Variants in SYNE2 observed in about 807,000 individuals in gnomAD.
The protein encoded by SYNE2 is nesprin-2.
In SYNE2, 431 loss-of-function variants were observed where a neutral mutation model predicts 856.3. The ratio of observed to expected loss-of-function variants is 0.50; its 90% confidence interval spans 0.47 to 0.55. The LOEUF is 0.55. Among genes scored for constraint, SYNE2 ranks in the 20% least tolerant of loss-of-function variants. The pLI, the probability that SYNE2 is intolerant of heterozygous loss-of-function variation, is 0.00. For missense variants in SYNE2, 8,129 were observed against 8,023.2 expected, an observed-to-expected ratio of 1.01 and a Z score of -0.50; for synonymous variants, 2,923 against 2,872.3, an observed-to-expected ratio of 1.02 and a Z score of -0.56.
rs772307834 is a variant in SYNE2 at position 64,053,438 on chromosome 14, A to G, written c.9525A>G (p.Pro3175=). The change falls in exon 48 of 116, where the codon CCA becomes CCG. Residue 3175 remains proline (P), a synonymous_variant. Transcript: ENST00000555002. ...AGATAAAATCTCAATTACAGCAGCC[A>G]TTACTTATAAATTTGGAAATTAAAC... ...LNQIKSQLQQ[P]LLINLEIKHI... 3 of 1,613,562 alleles carry G rather than the reference A, an allele frequency of 1.9e-6. No individual in the cohort carries two copies. Among genetic ancestry groups the G allele is most frequent in the South Asian group, 1.1e-5 (1 of 90,720 alleles).
At chr14:64,166,974 G>T (rs555374802) in intron 90 of SYNE2, 2 of 530,168 alleles carry the variant, frequency 3.8e-6, no homozygotes, top group South Asian at 2.1e-5. Flanking sequence ...GTATTCTTCG[G>T]TGACAAAATC....
At chr14:64,146,047 G>T in intron 83 of SYNE2, 21 bp from the exon 84 acceptor site, 2 of 1,491,902 alleles carry the variant, frequency 1.3e-6, no homozygotes, top group Admixed American at 2.1e-5. Context: ...AACATTTTTT[G>T]TAATCTTTAC....
intron 53 of SYNE2, among the ~76,000 whole-genome samples, chr14:64,075,088 T>C (rs2097447432): frequency 1.3e-5 from 2 of 152,180 alleles, no homozygotes; most frequent in Admixed American, 1.3e-4. Context: ...CTCTCTAGAT[T>C]TGTCCTCTGC....
chr14:63,791,031 C>G (rs1887712503), intron 1 of SYNE2, among the ~76,000 whole-genome samples: 1 of 151,922 alleles, frequency 6.6e-6, no homozygotes, highest in Admixed American at 6.6e-5. Flanking sequence ...TATCTGGGCT[C>G]ACTGCAAACT....
chr14:64,034,629 C>A (rs1334847780), intron 45 of SYNE2: 1 of 483,610 alleles, frequency 2.1e-6, no homozygotes, highest in African/African-American at 2.0e-5. Flanking sequence ...TTGACCTTTT[C>A]TTTAATATTG....
intron 48 of SYNE2, among the ~76,000 whole-genome samples, 163 bp downstream of exon 48, chr14:64,053,820 T>C (rs2097247337): frequency 6.6e-6 from 1 of 151,792 alleles, no homozygotes; most frequent in Non-Finnish European, 1.5e-5. Flanking sequence ...AAAAAAAAAA[T>C]TAGCTGGGTA....
chr14:64,006,333 A>G (rs2096795388), intron 30 of SYNE2, among the ~76,000 whole-genome samples: 1 of 150,064 alleles, frequency 6.7e-6, no homozygotes, highest in Non-Finnish European at 1.5e-5. Context: ...CCTCCTTAGG[A>G]TCCTGCAGTT....
chr14:63,940,492 G>T lies in SYNE2; in HGVS notation c.80-122G>T, dbSNP rs2095898344. The T allele has an allele frequency of 2.3e-6, 2 of 875,134 alleles. 1 individual carries two copies. The highest frequency in any genetic ancestry group is 2.8e-5 in the South Asian group (2 of 70,634). The allele number at this position is 875,134 out of a possible 1,614,324, so 54.2% of individuals were successfully genotyped here. ...CATCTACAGTTTAGACTAAATCCTG[G>T]AAAGTTTGTAAGCTTGTGAAACAGG... is the stretch of plus-strand genomic sequence containing the variant. On this transcript the variant is annotated intron_variant, in intron 2 of 115. Coordinates refer to ENST00000555002, the MANE Select transcript of SYNE2 (RefSeq NM_182914.3).
chr14:63,905,040 A>G (rs922798474), intron 1 of SYNE2, among the ~76,000 whole-genome samples: 6 of 152,154 alleles, frequency 3.9e-5, no homozygotes, highest in Non-Finnish European at 7.4e-5. Context: ...CTATACAGTT[A>G]TCCCAGCATC....
chr14:64,080,416 G>T (rs760241727), intron 55 of SYNE2, 40 bp from the exon 56 acceptor site: 2 of 1,604,048 alleles, frequency 1.2e-6, no homozygotes, highest in South Asian at 2.2e-5. Flanking sequence ...CATAAACTAT[G>T]ACCTCTTCAT....
chr14:64,138,946 G>GGTGT (rs150016027), intron 79 of SYNE2, among the ~76,000 whole-genome samples: 2,862 of 137,718 alleles, frequency 0.021, 61 homozygotes, highest in African/African-American at 0.055. Context: ...GTGTATGTAT[G>GGTGT]GTGTGTGTGT....
At chr14:64,105,327 T>G (rs1332823838) in intron 64 of SYNE2, among the ~76,000 whole-genome samples, 1 of 152,202 alleles carries the variant, frequency 6.6e-6, no homozygotes, top group African/African-American at 2.4e-5. Context: ...ACATTCCAGA[T>G]TTTCCTGGTC....
At chr14:64,008,479 T>G (rs7161272) in intron 31 of SYNE2, among the ~76,000 whole-genome samples, 70,496 of 152,070 alleles carry the variant, frequency 0.46, 16,445 homozygotes, top group East Asian at 0.51. Flanking sequence ...GCAAAAATTT[T>G]TGAAACTGTG....
intron 96 of SYNE2, among the ~76,000 whole-genome samples, chr14:64,183,079 C>T (rs1278876325): frequency 2.0e-5 from 3 of 147,600 alleles, no homozygotes; most frequent in South Asian, 4.2e-4. Flanking sequence ...ACTTCCCGGA[C>T]GGGGCGGCTG....
rs1320811513 is a variant in SYNE2 at position 63,997,071 on chromosome 14, A to T, written c.3065A>T (p.Tyr1022Phe). 1 of 1,614,110 alleles carries T rather than the reference A, an allele frequency of 6.2e-7. No homozygotes were observed. The highest frequency in any genetic ancestry group is 1.1e-5 in the South Asian group (1 of 91,080). The part of the protein sequence containing the change: ...QQEVKRLLKD[Y>F]EQKIERLLKC... ...GAAGTGAAGAGACTACTCAAAGATT[A>T]TGAACAAAAGATAGAAAGACTTCTG... Residue 1022 changes from tyrosine to phenylalanine, a missense_variant, in exon 24 of 116, where the codon TAT becomes TTT. Tyr to Phe is a conservative substitution (Grantham distance 22). Around this residue, in one of 3 missense-constraint regions of SYNE2, gnomAD observed 2,422 missense variants for 2,357.4 expected, o/e 1.03. Coordinates refer to ENST00000555002, the MANE Select transcript of SYNE2 (RefSeq NM_182914.3).
chr14:63,964,650 G>A (rs1276507395), intron 10 of SYNE2, among the ~76,000 whole-genome samples: 1 of 151,956 alleles, frequency 6.6e-6, no homozygotes, highest in East Asian at 1.9e-4. Flanking sequence ...TCAGCTTTCC[G>A]AGTAGCTGAG....
upstream of SYNE2, among the ~76,000 whole-genome samples, chr14:63,851,234 G>A (rs1262284210): frequency 6.6e-6 from 1 of 152,132 alleles, no homozygotes; most frequent in Non-Finnish European, 1.5e-5. Context: ...GGTGGCGGGC[G>A]CCTGTAATCC....
chr14:64,164,967 A>C (rs2098364467), intron 89 of SYNE2, among the ~76,000 whole-genome samples: 1 of 151,946 alleles, frequency 6.6e-6, no homozygotes, highest in African/African-American at 2.4e-5. Context: ...AGCTTACTGC[A>C]GCCTTGACCT....
intron 2 of SYNE2, among the ~76,000 whole-genome samples, chr14:63,932,264 C>T (rs193030008): frequency 5.9e-5 from 9 of 152,194 alleles, no homozygotes; most frequent in African/African-American, 1.9e-4. Flanking sequence ...TGCCTGTAAT[C>T]CCAGCTACTT....
Sources: gnomAD v4.1 joint callset for allele counts (sites outside exome capture counted in the v4.1 genomes callset) on GRCh38, gnomAD v4.1.1 for gene constraint, gnomAD v4.1.1 regional missense constraint, MANE v1.5 for transcripts, NCBI Gene and HGNC (gene_info 2026-07-23, HGNC 2026-07-21) for gene names.